BRPF3: variants seen among roughly 807,000 people sequenced by gnomAD.
The protein encoded by BRPF3 is bromodomain and PHD finger-containing protein 3.
A neutral mutation model predicts 102.0 loss-of-function variants in BRPF3; 18 were observed. The ratio of observed to expected loss-of-function variants is 0.18; its 90% CI spans 0.12 to 0.26. The LOEUF (loss-of-function observed/expected upper bound fraction) is 0.26. Among genes scored for constraint, BRPF3 ranks in the 10% least tolerant of loss-of-function variants. The pLI, the probability that BRPF3 is intolerant of heterozygous loss-of-function variation, is 1.00. For missense variants in BRPF3, 1,147 were observed against 1,567.8 expected (o/e 0.73, Z 4.53); for synonymous variants, 570 against 614.2 (o/e 0.93, Z 1.06).
Position 36,200,105 on chromosome 6 carries a change from T to C in BRPF3, c.-26-192T>C, listed in dbSNP as rs539088091. Among the ~76,000 whole-genome samples the C allele has an allele frequency of 2.0e-4, 30 of 152,334 alleles. No individual in the cohort carries two copies. The highest frequency in any genetic ancestry group is 3.8e-4 in the Non-Finnish European group (26 of 68,024). The stretch of plus-strand genomic sequence containing the variant: ...ATAAAGTGGTCAGAGAAGGTCTCAC[T>C]GAGAAGTGTTGTTCACTTGAAGAAA... On this transcript the variant is annotated intron_variant, in intron 1 of 12. Transcript: ENST00000357641. This position sits in a 1 kb window ranked among gnomAD's most constrained non-coding sequence, Gnocchi z 5.3.
chr6:36,212,154 AAAAAAT>A (rs1450233049), intron 7 of BRPF3, among the ~76,000 whole-genome samples: 3 of 152,192 alleles, frequency 2.0e-5, no homozygotes, highest in Non-Finnish European at 4.4e-5. Flanking sequence ...AGAAAAGACA[AAAAAAT>A]AAAAATAAAA....
In BRPF3 at chr6:36,230,786, C is replaced by G; in HGVS notation, c.*177C>G. ...AGTTTTGACCAATCGCATGGTTCTC[C>G]TGGCAGGCCTGCTGTGTGCCAAAAA... On this transcript the variant is annotated 3_prime_UTR_variant, in exon 13 of 13. Transcript: ENST00000357641. The surrounding 1 kb of genome is among the most constrained non-coding windows in gnomAD (Gnocchi z 5.4). 1.3e-6 allele frequency: 1 copy of G among 780,438 alleles called. No individual in the cohort carries two copies. The highest frequency in any genetic ancestry group is 2.0e-6 in the Non-Finnish European group (1 of 499,958). 48.3% of individuals were successfully genotyped at this position (780,438 alleles called of 1,614,324 possible).
At chr6:36,228,831 TG>T in intron 11 of BRPF3, 70 bp from the exon 12 acceptor site, 1 of 1,561,270 alleles carries the variant, frequency 6.4e-7, no homozygotes, top group Non-Finnish European at 8.8e-7. Flanking sequence ...CTTCAGCAGT[TG>T]GTCCTGCAGC....
At chr6:36,225,148 G>T in intron 10 of BRPF3, 119 bp from the exon 11 acceptor site, 3 of 704,558 alleles carry the variant, frequency 4.3e-6, no homozygotes, top group Middle Eastern at 3.9e-4. Context: ...AGGAAGGGTG[G>T]AGGGGATGTT....
At position 36,200,391 on chromosome 6, in the gene BRPF3, C is replaced by G. The variant is rs945255339; in HGVS notation, c.69C>G (p.Leu23=). Residue 23 remains leucine (L), a synonymous_variant, in exon 2 of 13, where the codon CTC becomes CTG. Coordinates refer to ENST00000357641, the MANE Select transcript of BRPF3 (RefSeq NM_015695.3). The surrounding 1 kb of genome is among the most constrained non-coding windows in gnomAD (Gnocchi z 5.3). The part of the protein sequence containing the change: ...EGRRSPSPYS[L]KCSPTRETLT... The stretch of plus-strand genomic sequence containing the variant: ...GGCGTTCCCCGTCCCCCTACAGTCT[C>G]AAGTGCTCACCCACCCGGGAGACCC... The G allele has an allele frequency of 6.2e-7, 1 of 1,614,262 alleles. No homozygotes were observed. The highest frequency in any genetic ancestry group is 1.3e-5 in the African/African-American group (1 of 75,074).
chr6:36,227,422 G>T (rs530868490), intron 11 of BRPF3, among the ~76,000 whole-genome samples: 1 of 152,244 alleles, frequency 6.6e-6, no homozygotes, highest in South Asian at 2.1e-4. Flanking sequence ...CATATGTTAA[G>T]TTTTATCACA....
intron 8 of BRPF3, among the ~76,000 whole-genome samples, chr6:36,214,633 A>G (rs1768262636): frequency 6.6e-6 from 1 of 152,210 alleles, no homozygotes; most frequent in South Asian, 2.1e-4. Context: ...GGGTAATGCA[A>G]TGTTGTATAA....
In BRPF3 at chr6:36,217,933, T is replaced by C. The variant is rs1421424333; in HGVS notation, c.3006T>C (p.Phe1002=). ...CCTTGGCAGGCATGACCAACGGCTT[T>C]GGAAAACACACCGAAAGCGGGTCTG... ...QEEETGMTNG[F]GKHTESGSDS... is the part of the protein sequence containing the mutation. The change falls in exon 9 of 13, where the codon TTT becomes TTC. Residue 1002 remains phenylalanine (F), a synonymous_variant. Coordinates refer to ENST00000357641, the MANE Select transcript of BRPF3 (RefSeq NM_015695.3). 7 of 1,613,462 alleles carry C rather than the reference T, an allele frequency of 4.3e-6. No homozygotes were observed. In the South Asian group the frequency reaches 6.6e-5, roughly 15 times the overall value.
chr6:36,222,393 C>A (rs1383631250), intron 10 of BRPF3, 128 bp downstream of exon 10: 2 of 765,762 alleles, frequency 2.6e-6, no homozygotes, highest in Non-Finnish European at 4.2e-6. Flanking sequence ...CTCTTGGGCC[C>A]TTGGGCAGGG....
chr6:36,204,895 A>G (rs530369080), intron 3 of BRPF3, 81 bp downstream of exon 3: 2 of 1,555,096 alleles, frequency 1.3e-6, no homozygotes, highest in African/African-American at 1.4e-5. Context: ...TGGGGCTGGC[A>G]CCCCTTCTTG....
At position 36,232,240 on chromosome 6, in the gene BRPF3, G is replaced by A. The variant is rs1422746559; in HGVS notation, c.*1631G>A. 1 of 152,418 alleles carries A rather than the reference G, an allele frequency of 6.6e-6. No homozygotes were observed. Among genetic ancestry groups the A allele is most frequent in the Non-Finnish European group, 1.5e-5 (1 of 68,034 alleles). The allele number at this position is 152,418 out of a possible 1,614,324, so 9.4% of individuals were successfully genotyped here. On this transcript the variant is annotated 3_prime_UTR_variant, in exon 13 of 13. Coordinates refer to ENST00000357641, the MANE Select transcript of BRPF3 (RefSeq NM_015695.3). ...ATGGTGTATATAATTGTAAAATACT[G>A]TTCTAAATTATTCAGGCCTATAGTT...
intron 4 of BRPF3, among the ~76,000 whole-genome samples, chr6:36,209,557 G>A (rs1311290596): frequency 1.3e-5 from 2 of 152,138 alleles, no homozygotes; most frequent in Non-Finnish European, 2.9e-5. Flanking sequence ...TATTGTTACT[G>A]TAAATTTTAG....
intron 8 of BRPF3, among the ~76,000 whole-genome samples, 198 bp downstream of exon 8, chr6:36,214,584 C>T (rs994971613): frequency 6.6e-6 from 1 of 152,158 alleles, no homozygotes; most frequent in African/African-American, 2.4e-5. Context: ...CAGGTATTTT[C>T]CAGAGAGCCA....
At chr6:36,228,082 T>A (rs1768805743) in intron 11 of BRPF3, among the ~76,000 whole-genome samples, 1 of 152,076 alleles carries the variant, frequency 6.6e-6, no homozygotes, top group Non-Finnish European at 1.5e-5. Flanking sequence ...CCTTGTTTGG[T>A]TTTAGTACCA....
At chr6:36,209,537 T>A (rs1768019946) in intron 4 of BRPF3, among the ~76,000 whole-genome samples, 1 of 152,226 alleles carries the variant, frequency 6.6e-6, no homozygotes, top group African/African-American at 2.4e-5. Context: ...ATAATTGTAA[T>A]GATAATTATT....
At chr6:36,211,213 T>G (rs1561825188) in intron 6 of BRPF3, 45 bp from the exon 7 acceptor site, 1 of 1,582,466 alleles carries the variant, frequency 6.3e-7, no homozygotes, top group Admixed American at 1.7e-5. Flanking sequence ...TGCCCTGTGC[T>G]GGGCAGGTCC....
chr6:36,208,176 G>C (rs1245102491), intron 4 of BRPF3, among the ~76,000 whole-genome samples: 1 of 152,214 alleles, frequency 6.6e-6, no homozygotes, highest in African/African-American at 2.4e-5. Context: ...AGAAATGTCA[G>C]CTGCTGTCAT....
intron 2 of BRPF3, chr6:36,204,271 TA>T (rs1767825604): frequency 4.3e-6 from 1 of 230,984 alleles, no homozygotes; most frequent in Admixed American, 5.3e-5. Flanking sequence ...GTGGCCACAT[TA>T]ACCATAGCTT....
chr6:36,215,589 G>T (rs1768300989), intron 8 of BRPF3, among the ~76,000 whole-genome samples: 1 of 152,236 alleles, frequency 6.6e-6, no homozygotes, highest in African/African-American at 2.4e-5. Flanking sequence ...CAGGTGAGAG[G>T]TAGCATTGCT....
Sources: allele counts gnomAD v4.1 joint callset (sites outside exome capture counted in the v4.1 genomes callset), GRCh38; gene constraint gnomAD v4.1.1; non-coding constraint Gnocchi (gnomAD v3.1); transcripts MANE v1.5; gene names NCBI Gene and HGNC (gene_info 2026-07-23, HGNC 2026-07-21).